KIAA1614: variants seen among roughly 807,000 people sequenced by gnomAD.
KIAA1614 encodes the protein uncharacterized protein KIAA1614.
Under a neutral mutation model 88.7 loss-of-function variants are expected in KIAA1614, and 76 were observed. The ratio of observed to expected loss-of-function variants is 0.86; its 90% CI spans 0.71 to 1.04. The LOEUF is 1.04. Ranked by LOEUF, KIAA1614 falls within the 50% of genes least tolerant of loss-of-function variation. The pLI, the probability that KIAA1614 is intolerant of heterozygous loss-of-function variation, is 0.00. For synonymous variants in KIAA1614, 714 were observed against 675.5 expected (o/e 1.06, Z -0.88); for missense variants, 1,553 against 1,582.5 (o/e 0.98, Z 0.32).
chr1:180,916,656 C>G lies in KIAA1614; in HGVS notation c.553C>G (p.Pro185Ala), dbSNP rs764194780. ...ACGTGAGTACTGCAACAGGGGGAGCCCGTGGCCTCCAGAAGCCGAATGGAC... is the reference window on the plus strand; with the variant it reads ...ACGTGAGTACTGCAACAGGGGGAGCGCGTGGCCTCCAGAAGCCGAATGGAC... ...PGREYCNRGS[P>A]WPPEAEWTLP... The change falls in exon 2 of 9, where the codon CCG becomes GCG. Residue 185 changes from proline (P) to alanine (A), a missense_variant. Transcript: ENST00000367588. The G allele has an allele frequency of 6.2e-7, 1 of 1,600,690 alleles. No individual in the cohort carries two copies. Among genetic ancestry groups the G allele is most frequent in the South Asian group, 1.1e-5 (1 of 89,274 alleles).
chr1:180,919,901 G>C (rs2102257319), intron 3 of KIAA1614, among the ~76,000 whole-genome samples: 1 of 152,298 alleles, frequency 6.6e-6, no homozygotes, highest in African/African-American at 2.4e-5. Flanking sequence ...CCTGTGTACT[G>C]TATGGTGTGT....
chr1:180,916,136 G>A lies in KIAA1614; in HGVS notation c.51-18G>A. 6.5e-7 allele frequency: 1 copy of A among 1,527,854 alleles called. No homozygotes were observed. The highest frequency in any genetic ancestry group is 8.8e-7 in the Non-Finnish European group (1 of 1,139,036). The allele number at this position is 1,527,854 out of a possible 1,614,324, so 94.6% of individuals were successfully genotyped here. ...TCCTGTGCTGGGTCTTAGGAACTCT[G>A]TCTGTTTTCTCCTCCAGAGGGCCCA... On this transcript the variant is annotated intron_variant, in intron 1 of 8. Coordinates refer to ENST00000367588, the MANE Select transcript of KIAA1614 (RefSeq NM_020950.2).
At chr1:180,915,917 C>T (rs1037434138) in intron 1 of KIAA1614, among the ~76,000 whole-genome samples, 2 of 152,148 alleles carry the variant, frequency 1.3e-5, no homozygotes, top group African/African-American at 4.8e-5. Flanking sequence ...ACAGTTTCAT[C>T]CCAAAACCAT....
intron 7 of KIAA1614, among the ~76,000 whole-genome samples, chr1:180,943,557 T>TTTTTTTTTTTTTTTTTTTTTTTTC (rs1654519097): frequency 8.0e-6 from 1 of 125,512 alleles, no homozygotes; most frequent in South Asian, 2.9e-4. Context: ...GATCTTTTTT[T>TTTTTTTTTTTTTTTTTTTTTTTTC]TTTTTTTTTG....
intron 3 of KIAA1614, 64 bp downstream of exon 3, chr1:180,917,978 G>A (rs1653857625): frequency 7.1e-6 from 10 of 1,405,238 alleles, no homozygotes; most frequent in Non-Finnish European, 1.0e-5. Context: ...TATTTACTCA[G>A]CATCAGGACA....
intron 3 of KIAA1614, among the ~76,000 whole-genome samples, chr1:180,921,782 G>A (rs1440388170): frequency 1.3e-5 from 2 of 152,184 alleles, no homozygotes; most frequent in Admixed American, 6.5e-5. Context: ...GTGAGACGTT[G>A]GGCCTCACAG....
In KIAA1614 at chr1:180,935,705, T is replaced by A. The variant is rs1654315281; in HGVS notation, c.1796T>A (p.Ile599Asn). 6.2e-7 allele frequency: 1 copy of A among 1,613,510 alleles called. No homozygotes were observed. ...LHMEWIRETHIGDTVCPAEVD... is the reference protein window; with the variant it reads ...LHMEWIRETHNGDTVCPAEVD... ...ATGGAATGGATCCGGGAAACACACA[T>A]CGGAGACACCGTGTGCCCTGCGGAG... Residue 599 changes from isoleucine to asparagine, a missense_variant, in exon 5 of 9, where the codon ATC becomes AAC. Ile to Asn is a moderately radical substitution (Grantham distance 149). Transcript: ENST00000367588. This position sits in a 1 kb window ranked among gnomAD's most constrained non-coding sequence, Gnocchi z 6.1.
Position 180,917,930 on chromosome 1 carries a change from C to T in KIAA1614, c.1061+16C>T, listed in dbSNP as rs1436681307. ...GCCAGAACAGGTAAGAGCTCAGAGCCCACATTTTCTCTCCCTCCCTCCTCA... is the reference window on the plus strand; with the variant it reads ...GCCAGAACAGGTAAGAGCTCAGAGCTCACATTTTCTCTCCCTCCCTCCTCA... On this transcript the variant is annotated intron_variant, in intron 3 of 8. Transcript: ENST00000367588. The T allele has an allele frequency of 6.2e-7, 1 of 1,610,520 alleles. No homozygotes were observed. Among genetic ancestry groups the T allele is most frequent in the Admixed American group, 1.7e-5 (1 of 60,004 alleles).
At position 180,935,471 on chromosome 1, in the gene KIAA1614, G is replaced by T. The variant is rs528204765; in HGVS notation, c.1562G>T (p.Arg521Leu). 2.7e-6 allele frequency: 4 copies of T among 1,472,972 alleles called. No homozygotes were observed. Among genetic ancestry groups the T allele is most frequent in the Non-Finnish European group, 8.9e-7 (1 of 1,117,868 alleles). The allele number at this position is 1,472,972 out of a possible 1,614,324, so 91.2% of individuals were successfully genotyped here. A position where few individuals can be genotyped will look rare whatever the true frequency, so the allele number is the denominator to read the frequency against. Residue 521 changes from arginine to leucine, a missense_variant, in exon 5 of 9, where the codon CGC becomes CTC. Physicochemically the swap from Arg to Leu is moderately radical, Grantham distance 102 (BLOSUM62 -2). Coordinates refer to ENST00000367588, the MANE Select transcript of KIAA1614 (RefSeq NM_020950.2). This position sits in a 1 kb window ranked among gnomAD's most constrained non-coding sequence, Gnocchi z 6.1. ...CACAGGCTTGTGGGCAGCCTGGACCGCAGGGGACACCCGGCACCGCCGGCA... is the reference window on the plus strand; with the variant it reads ...CACAGGCTTGTGGGCAGCCTGGACCTCAGGGGACACCCGGCACCGCCGGCA... ...TFHRLVGSLDRRGHPAPPAPG... is the reference protein window; with the variant it reads ...TFHRLVGSLDLRGHPAPPAPG...
rs1464577456 is a variant in KIAA1614, at chr1:180,940,897, A to G, written c.2919-148A>G. ...CGGCTTCCACTTGGCCTTTCTTTCT[A>G]CAGCCTGGTTGTTAGTTCCTGGCCC... On this transcript the variant is annotated intron_variant, in intron 6 of 8. Coordinates refer to ENST00000367588, the MANE Select transcript of KIAA1614 (RefSeq NM_020950.2). The G allele has an allele frequency of 5.5e-5, 38 of 693,820 alleles. 1 individual carries two copies. The highest frequency in any genetic ancestry group is 7.2e-5 in the Non-Finnish European group (30 of 414,860). 43.0% of individuals were successfully genotyped at this position (693,820 alleles called of 1,614,324 possible).
chr1:180,930,841 G>A (rs1055901685), intron 4 of KIAA1614, among the ~76,000 whole-genome samples: 1 of 152,274 alleles, frequency 6.6e-6, no homozygotes. Flanking sequence ...ATGGCTTGCT[G>A]CAGATGCTTC....
In KIAA1614 at chr1:180,946,947, T is replaced by C. The variant is rs1041392671; in HGVS notation, c.*1359T>C. The C allele has an allele frequency of 1.3e-5, 2 of 152,280 alleles. No individual in the cohort carries two copies. The highest frequency in any genetic ancestry group is 6.5e-5 in the Admixed American group (1 of 15,290). 9.4% of individuals were successfully genotyped at this position (152,280 alleles called of 1,614,324 possible). A position where few individuals can be genotyped will look rare whatever the true frequency, so the allele number is the denominator to read the frequency against. Reference sequence around the variant, plus strand: ...ATAAAATGTGTACTCTTGTTATGTATAATGTGCTACGTATGTCAGATGGTG... The same window carrying C: ...ATAAAATGTGTACTCTTGTTATGTACAATGTGCTACGTATGTCAGATGGTG... On this transcript the variant is annotated 3_prime_UTR_variant, in exon 9 of 9. Coordinates refer to ENST00000367588, the MANE Select transcript of KIAA1614 (RefSeq NM_020950.2).
chr1:180,936,128 G>C lies in KIAA1614; in HGVS notation c.2219G>C (p.Arg740Pro). The C allele has an allele frequency of 1.2e-6, 2 of 1,614,122 alleles. No homozygotes were observed. Among genetic ancestry groups the C allele is most frequent in the Non-Finnish European group, 1.7e-6 (2 of 1,180,000 alleles). ...GSHQPHPLDS[R>P]TPCRTAYATT... ...CACCAGCCTCACCCTTTGGATTCCC[G>C]GACTCCATGCAGGACAGCCTATGCC... Residue 740 changes from arginine (R) to proline (P), a missense_variant, in exon 5 of 9, where the codon CGG (arginine) becomes CCG (proline). Arg to Pro is a moderately radical substitution (Grantham distance 103). Coordinates refer to ENST00000367588, the MANE Select transcript of KIAA1614 (RefSeq NM_020950.2).
At chr1:180,928,244 AGCCCCAG>A (rs541169888) in intron 3 of KIAA1614, 179 bp from the exon 4 acceptor site, 18 of 676,884 alleles carry the variant, frequency 2.7e-5, no homozygotes, top group East Asian at 9.1e-5. Context: ...GCCATTTCCC[AGCCCCAG>A]GCCCCAGGCC....
chr1:180,928,705 A>G, intron 4 of KIAA1614, 132 bp downstream of exon 4: 4 of 1,034,278 alleles, frequency 3.9e-6, no homozygotes, highest in Non-Finnish European at 5.4e-6. Context: ...TGTTTTCCAT[A>G]TAAGGCTCTT....
intron 6 of KIAA1614, 51 bp from the exon 7 acceptor site, chr1:180,940,994 G>T: frequency 7.2e-7 from 1 of 1,386,714 alleles, no homozygotes; most frequent in Non-Finnish European, 9.8e-7. Context: ...AGTCTCCCTG[G>T]CCACCCTCCC....
At chr1:180,941,327 G>A (rs756219763) in intron 7 of KIAA1614, 42 bp downstream of exon 7, 6 of 1,566,084 alleles carry the variant, frequency 3.8e-6, no homozygotes, top group South Asian at 1.2e-5. Context: ...AGCCAGTAGC[G>A]GTGCAACCAC....
chr1:180,938,533 T>C, intron 5 of KIAA1614, 22 bp from the exon 6 acceptor site: 1 of 1,612,048 alleles, frequency 6.2e-7, no homozygotes, highest in Non-Finnish European at 8.5e-7. Context: ...CTGACTCAGG[T>C]GGGATGCTGT....
intron 3 of KIAA1614, among the ~76,000 whole-genome samples, chr1:180,922,408 G>T (rs1653975709): frequency 6.6e-6 from 1 of 152,126 alleles, no homozygotes; most frequent in Admixed American, 6.5e-5. Flanking sequence ...AGTGATCGAG[G>T]ACCAAAACAC....
Sources: gnomAD v4.1 joint callset for allele counts (sites outside exome capture counted in the v4.1 genomes callset) on GRCh38, gnomAD v4.1.1 for gene constraint, Gnocchi (gnomAD v3.1) non-coding constraint, MANE v1.5 for transcripts, NCBI Gene and HGNC (gene_info 2026-07-23, HGNC 2026-07-21) for gene names.